Variants in LRRK2 observed in about 807,000 individuals in gnomAD.
The protein encoded by LRRK2 is leucine-rich repeat serine/threonine-protein kinase 2.
Under a neutral mutation model 302.6 loss-of-function variants are expected in LRRK2, and 203 were observed. The observed-to-expected ratio is 0.67, with a 90% CI of 0.60 to 0.75. LRRK2 has a LOEUF of 0.75. Ranked by LOEUF, LRRK2 falls within the 30% of genes least tolerant of loss-of-function variation. LRRK2 has a pLI of 0.00. For missense variants in LRRK2, 2,830 were observed against 2,951.0 expected, an observed-to-expected ratio of 0.96 and a Z score of 0.95; for synonymous variants, 1,066 against 1,031.9, an observed-to-expected ratio of 1.03 and a Z score of -0.63.
In LRRK2 at chr12:40,359,346, G is replaced by C. The variant is rs763164514; in HGVS notation, c.6930G>C (p.Thr2310=). The change falls in exon 47 of 51, where the codon ACG becomes ACC. Residue 2310 remains threonine, a synonymous_variant. Transcript: ENST00000298910. ...GTTTGAGTGAATCCACAAATTCAAC[G>C]GAAAGAAATGTAATGTGGGGAGGAT... ...LMCLSESTNS[T]ERNVMWGGCG... The C allele has an allele frequency of 6.2e-7, 1 of 1,613,074 alleles. No individual in the cohort carries two copies. Among genetic ancestry groups the C allele is most frequent in the Non-Finnish European group, 8.5e-7 (1 of 1,179,496 alleles).
chr12:40,267,260 G>C (rs575917254), intron 14 of LRRK2, among the ~76,000 whole-genome samples: 2 of 152,194 alleles, frequency 1.3e-5, no homozygotes, highest in Non-Finnish European at 1.5e-5. Context: ...CACAGTTGCC[G>C]CGTCCTGAGG....
At chr12:40,245,167 T>C (rs1303467029) in intron 7 of LRRK2, among the ~76,000 whole-genome samples, 1 of 152,126 alleles carries the variant, frequency 6.6e-6, no homozygotes, top group African/African-American at 2.4e-5. Flanking sequence ...TTCCCTAAGA[T>C]AATAAATATA....
In LRRK2 at chr12:40,310,542, C is replaced by T. The variant is rs1010617973; in HGVS notation, c.4429C>T (p.Arg1477Ter). ...SKITKELLNK[R>*]GFPAIRDYHF... ...AATCACCAAGGAACTCCTGAATAAGCGAGGGTTCCCTGCCATACGAGATTA... is the reference window on the plus strand; with the variant it reads ...AATCACCAAGGAACTCCTGAATAAGTGAGGGTTCCCTGCCATACGAGATTA... Residue 1477 changes from arginine to a stop codon, truncating the protein, a stop_gained, in exon 31 of 51, where the codon CGA becomes TGA. Transcript: ENST00000298910. LOFTEE classifies it high-confidence loss of function. The T allele has an allele frequency of 3.7e-6, 6 of 1,612,108 alleles. No individual in the cohort carries two copies. The highest frequency in any genetic ancestry group is 1.3e-5 in the African/African-American group (1 of 74,352).
chr12:40,310,432 C>T lies in LRRK2; in HGVS notation c.4319C>T (p.Ala1440Val). The T allele has an allele frequency of 3.7e-6, 6 of 1,612,994 alleles. No individual in the cohort carries two copies. The highest frequency in any genetic ancestry group is 4.2e-6 in the Non-Finnish European group (5 of 1,179,694). Residue 1440 changes from alanine to valine, a missense_variant and splice_region_variant, in exon 31 of 51, where the codon GCT becomes GTT. Ala to Val is a moderately conservative substitution (Grantham distance 64). This residue lies in a region of LRRK2 where 2,121 missense variants were observed against 2,148.0 expected (regional missense o/e 0.99). Coordinates refer to ENST00000298910, the MANE Select transcript of LRRK2 (RefSeq NM_198578.4). ...AGGGTTTTGTGTCTTTCCCTCCAGG[C>T]TCGCGCTTCTTCTTCCCCTGTGATT... The part of the protein sequence containing the change: ...AMKPWLFNIK[A>V]RASSSPVILV...
At chr12:40,238,449 G>C (rs1941572514) in intron 5 of LRRK2, among the ~76,000 whole-genome samples, 1 of 152,186 alleles carries the variant, frequency 6.6e-6, no homozygotes. Flanking sequence ...ATGATGTTGA[G>C]TCATCACCAG....
intron 49 of LRRK2, 149 bp downstream of exon 49, chr12:40,365,199 G>C: frequency 1.4e-6 from 1 of 696,322 alleles, no homozygotes. Flanking sequence ...GGTATAAATT[G>C]TGAATAGGGT....
At chr12:40,276,302 G>A (rs2136614430) in intron 16 of LRRK2, among the ~76,000 whole-genome samples, 1 of 152,154 alleles carries the variant, frequency 6.6e-6, no homozygotes, top group Middle Eastern at 3.4e-3. Flanking sequence ...TCAGGGTTTT[G>A]CTTTGTTTTT....
At position 40,305,783 on chromosome 12, in the gene LRRK2, A is replaced by G; in HGVS notation, c.3778-2A>G. 6.2e-7 allele frequency: 1 copy of G among 1,613,372 alleles called. No individual in the cohort carries two copies. The highest frequency in any genetic ancestry group is 8.5e-7 in the Non-Finnish European group (1 of 1,179,660). On this transcript the variant is annotated splice_acceptor_variant, in intron 27 of 50. Transcript: ENST00000298910. LOFTEE classifies it high-confidence loss of function. ...GGTTTTGCCCTTTTTTTTCCCATTA[A>G]GATTCCTCCTGAGATTGGCTGTCTT...
intron 11 of LRRK2, among the ~76,000 whole-genome samples, chr12:40,253,560 C>T (rs920581549): frequency 4.6e-5 from 7 of 152,004 alleles, no homozygotes; most frequent in African/African-American, 1.7e-4. Context: ...TAATTTTTTG[C>T]AGAGATGGTG....
rs1180346871 is a variant in LRRK2, at chr12:40,335,166, G to A, written c.5948+9G>A. On this transcript the variant is annotated intron_variant, in intron 40 of 50. Transcript: ENST00000298910. ...GTAGCTGATGGTTTGAGGTAAGTAG[G>A]TCATGTTGTTTTCTATTCAGTGCAT... 4 of 1,613,888 alleles carry A rather than the reference G, an allele frequency of 2.5e-6. No individual in the cohort carries two copies. The African/African-American group carries it at 5.3e-5, about 22-fold the overall frequency.
intron 38 of LRRK2, among the ~76,000 whole-genome samples, chr12:40,328,122 A>T (rs1945605686): frequency 6.6e-6 from 1 of 152,180 alleles, no homozygotes. Context: ...GAAGTGGATG[A>T]CATAATTGAG....
At chr12:40,336,757 GA>G (rs1945884875) in intron 40 of LRRK2, among the ~76,000 whole-genome samples, 1 of 152,164 alleles carries the variant, frequency 6.6e-6, no homozygotes, top group African/African-American at 2.4e-5. Flanking sequence ...TTCTGCTTTT[GA>G]ACACCAGGGG....
At chr12:40,300,952 G>A in intron 25 of LRRK2, 1 of 470,926 alleles carries the variant, frequency 2.1e-6, no homozygotes, top group South Asian at 1.5e-5. Context: ...TATGGTCAGT[G>A]TGTCATCTCA....
At chr12:40,270,546 T>A (rs1377635604) in intron 14 of LRRK2, among the ~76,000 whole-genome samples, 1 of 152,170 alleles carries the variant, frequency 6.6e-6, no homozygotes, top group Non-Finnish European at 1.5e-5. Context: ...ATTGTTTTTT[T>A]TTCCTTGAAG....
chr12:40,351,579 C>T lies in LRRK2; in HGVS notation c.6422C>T (p.Thr2141Met), dbSNP rs111691891. Reference sequence around the variant, plus strand: ...AATTCAGCTGAATTAGTCTGTCTGACGAGACGCATTTTATTACCTAAAAAC... The same window carrying T: ...AATTCAGCTGAATTAGTCTGTCTGATGAGACGCATTTTATTACCTAAAAAC... ...ILNSAELVCL[T>M]RRILLPKNVI... Residue 2141 changes from threonine to methionine, a missense_variant, in exon 44 of 51, where the codon ACG becomes ATG. Thr to Met is a moderately conservative substitution (Grantham distance 81). Around this residue, in one of 3 missense-constraint regions of LRRK2, gnomAD observed 456 missense variants for 456.3 expected, o/e 1.00. Transcript: ENST00000298910. 2.6e-5 allele frequency: 42 copies of T among 1,614,070 alleles called. 1 individual carries two copies. Among genetic ancestry groups the T allele is most frequent in the Middle Eastern group, 3.3e-4 (2 of 6,062 alleles).
rs568056716 is a variant in LRRK2, at chr12:40,287,564, T to C, written c.2689+25T>C. On this transcript the variant is annotated intron_variant, in intron 20 of 50. Coordinates refer to ENST00000298910, the MANE Select transcript of LRRK2 (RefSeq NM_198578.4). ...GGTATTTATTATAAAAAAAAACCCT[T>C]TATGCTTTATATTTACACACTGACA... The C allele has an allele frequency of 1.4e-5, 23 of 1,604,400 alleles. 1 individual carries two copies. The South Asian group carries it at 2.4e-4, about 17-fold the overall frequency.
chr12:40,297,158 A>G (rs1198140559), intron 23 of LRRK2, among the ~76,000 whole-genome samples: 2 of 152,296 alleles, frequency 1.3e-5, no homozygotes, highest in South Asian at 2.1e-4. Flanking sequence ...TACTTACTGA[A>G]TTGATTTGTG....
In LRRK2 at chr12:40,367,915, T is replaced by TTTACTG; in HGVS notation, c.*150_*151insTTACTG. 1 of 588,412 alleles carries TTTACTG rather than the reference T, an allele frequency of 1.7e-6. No homozygotes were observed. 36.4% of individuals were successfully genotyped at this position (588,412 alleles called of 1,614,324 possible). ...TGTTATTATTTTTAATTTAAATATA[T>TTTACTG]GTAAAAATACTTACCAGTAAATGTG... is the stretch of plus-strand genomic sequence containing the variant. On this transcript the variant is annotated 3_prime_UTR_variant, in exon 51 of 51. Coordinates refer to ENST00000298910, the MANE Select transcript of LRRK2 (RefSeq NM_198578.4).
chr12:40,280,792 T>C (rs7488873), intron 18 of LRRK2, among the ~76,000 whole-genome samples: 107,347 of 151,294 alleles, frequency 0.71, 38,282 homozygotes, highest in African/African-American at 0.76. Flanking sequence ...ACCGGTCGGG[T>C]GCGGTGGCTC....
Sources: allele counts gnomAD v4.1 joint callset (sites outside exome capture counted in the v4.1 genomes callset), GRCh38; gene constraint gnomAD v4.1.1; regional missense constraint gnomAD v4.1.1; transcripts MANE v1.5; gene names NCBI Gene and HGNC (gene_info 2026-07-23, HGNC 2026-07-21).